The following CNNM2 variants were observed in gnomAD, a reference collection of about 807,000 sequenced individuals.
CNNM2 encodes the protein cyclin and CBS domain divalent metal cation transport mediator 2.
CNNM2 carries 12 observed loss-of-function variants against 66.9 expected under a neutral mutation model. That is an observed-to-expected ratio of 0.18 (90% CI 0.11 to 0.29). The LOEUF (loss-of-function observed/expected upper bound fraction) is 0.29, where lower values mean the gene tolerates loss of function less well. CNNM2 is among the 10% of genes least tolerant of loss of function. The pLI, the probability that CNNM2 is intolerant of heterozygous loss-of-function variation, is 1.00. For missense variants in CNNM2, 705 were observed against 1,167.7 expected (o/e 0.60, Z 5.77); for synonymous variants, 557 against 501.8 (o/e 1.11, Z -1.47).
intron 5 of CNNM2, among the ~76,000 whole-genome samples, chr10:103,071,351 G>A (rs981743175): frequency 1.3e-5 from 2 of 152,248 alleles, no homozygotes; most frequent in East Asian, 1.9e-4. Context: ...AAGTTGCACA[G>A]ATGGGGAGCT....
chr10:102,970,273 C>G (rs970929974), intron 1 of CNNM2, among the ~76,000 whole-genome samples: 1 of 152,164 alleles, frequency 6.6e-6, no homozygotes, highest in Non-Finnish European at 1.5e-5. Flanking sequence ...CATGATTGTG[C>G]CCCTGCACTC....
chr10:102,939,946 C>T (rs965744226), intron 1 of CNNM2, among the ~76,000 whole-genome samples: 3 of 151,594 alleles, frequency 2.0e-5, no homozygotes, highest in Admixed American at 6.6e-5. Flanking sequence ...CCAGCCTGGG[C>T]GACAGGGTGA....
chr10:103,034,231 C>A (rs1383691056), intron 1 of CNNM2, among the ~76,000 whole-genome samples: 2 of 151,442 alleles, frequency 1.3e-5, no homozygotes, highest in Admixed American at 1.3e-4. Context: ...AGCAATTCTA[C>A]CTCGCTCCAA....
At chr10:102,944,279 A>T (rs952271673) in intron 1 of CNNM2, among the ~76,000 whole-genome samples, 2 of 151,896 alleles carry the variant, frequency 1.3e-5, no homozygotes, top group Non-Finnish European at 2.9e-5. Context: ...GGGTTTCACC[A>T]TATTGGCCAG....
chr10:102,971,712 C>G (rs1028621543), intron 1 of CNNM2, among the ~76,000 whole-genome samples: 6 of 152,102 alleles, frequency 3.9e-5, no homozygotes, highest in Non-Finnish European at 5.9e-5. Flanking sequence ...TTGTATGACT[C>G]TACCATAATC....
chr10:103,070,831 G>A lies in CNNM2; in HGVS notation c.2168-943G>A, dbSNP rs12768266. Among the ~76,000 whole-genome samples, 20,183 of 152,198 alleles carry A rather than the reference G, an allele frequency of 0.13. 1,542 individuals carry two copies. The highest frequency in any genetic ancestry group is 0.19 in the East Asian group (984 of 5,162). On this transcript the variant is annotated intron_variant, in intron 5 of 7. Transcript: ENST00000369878. Reference sequence around the variant, plus strand: ...TGTAGTCCTAGCTACTTGGGAGGCTGAGGCAGGAGAATCGCTTGAACCTGG... The same window carrying A: ...TGTAGTCCTAGCTACTTGGGAGGCTAAGGCAGGAGAATCGCTTGAACCTGG...
chr10:103,038,049 A>G (rs954522752), intron 1 of CNNM2, among the ~76,000 whole-genome samples: 1 of 152,166 alleles, frequency 6.6e-6, no homozygotes, highest in African/African-American at 2.4e-5. Context: ...CATGTTGGCC[A>G]GCCTGGTCTC....
At chr10:102,958,440 T>C (rs1436881013) in intron 1 of CNNM2, among the ~76,000 whole-genome samples, 1 of 151,436 alleles carries the variant, frequency 6.6e-6, no homozygotes, top group Non-Finnish European at 1.5e-5. Context: ...AATTGACTTG[T>C]TCTGAATTCA....
At chr10:102,997,268 A>G (rs2064020860) in intron 1 of CNNM2, among the ~76,000 whole-genome samples, 1 of 152,208 alleles carries the variant, frequency 6.6e-6, no homozygotes, top group Non-Finnish European at 1.5e-5. Context: ...GGCCAGTTTT[A>G]TCCTAATTCT....
intron 4 of CNNM2, among the ~76,000 whole-genome samples, chr10:103,065,655 C>T (rs900354695): frequency 2.0e-5 from 3 of 152,266 alleles, no homozygotes; most frequent in African/African-American, 4.8e-5. Context: ...CACCCAGGAA[C>T]GGAAGTCACC....
chr10:103,009,701 A>G (rs188093748), intron 1 of CNNM2, among the ~76,000 whole-genome samples: 3 of 119,898 alleles, frequency 2.5e-5, no homozygotes, highest in Admixed American at 7.8e-5. Flanking sequence ...AAAAAAAAGT[A>G]TATTGGGAGA....
At chr10:102,943,815 C>T (rs1216114912) in intron 1 of CNNM2, among the ~76,000 whole-genome samples, 1 of 152,076 alleles carries the variant, frequency 6.6e-6, no homozygotes, top group African/African-American at 2.4e-5. Context: ...TATGTCTGTA[C>T]ACATTGTCTG....
At chr10:103,007,664 C>T (rs1405079678) in intron 1 of CNNM2, among the ~76,000 whole-genome samples, 1 of 152,174 alleles carries the variant, frequency 6.6e-6, no homozygotes, top group Non-Finnish European at 1.5e-5. Flanking sequence ...CCTGACCCCG[C>T]AGGCAGTCAG....
At chr10:103,076,704 G>T (rs1472063746) in intron 7 of CNNM2, among the ~76,000 whole-genome samples, 1 of 152,194 alleles carries the variant, frequency 6.6e-6, no homozygotes, top group Admixed American at 6.5e-5. Flanking sequence ...GACTTTTGGA[G>T]AACAAGCCAG....
At chr10:103,015,535 A>G (rs945201969) in intron 1 of CNNM2, among the ~76,000 whole-genome samples, 8 of 152,186 alleles carry the variant, frequency 5.3e-5, no homozygotes, top group Non-Finnish European at 1.0e-4. Flanking sequence ...TCTCTAGCAC[A>G]AATAGTACCT....
In CNNM2 at chr10:103,085,726, GA is replaced by G. The variant is rs1423946700; in HGVS notation, c.*8549del. On this transcript the variant is annotated 3_prime_UTR_variant, in exon 8 of 8. Coordinates refer to ENST00000369878, the MANE Select transcript of CNNM2 (RefSeq NM_017649.5). ...TAAACAGAGTCAGCAAGTTTGAGAT[GA>G]AATGTTTGTGTTCAATGGGGAGTAC... 1 of 152,230 alleles carries G rather than the reference GA, an allele frequency of 6.6e-6. No individual in the cohort carries two copies. The highest frequency in any genetic ancestry group is 1.5e-5 in the Non-Finnish European group (1 of 68,034). The allele number at this position is 152,230 out of a possible 1,614,324, so 9.4% of individuals were successfully genotyped here.
intron 1 of CNNM2, among the ~76,000 whole-genome samples, chr10:103,048,457 C>G (rs1461938158): frequency 6.6e-6 from 1 of 151,666 alleles, no homozygotes; most frequent in Non-Finnish European, 1.5e-5. Flanking sequence ...CTCAGGTGAT[C>G]TACCTGCCTC....
At chr10:102,930,457 C>G (rs886570299) in intron 1 of CNNM2, among the ~76,000 whole-genome samples, 1 of 152,182 alleles carries the variant, frequency 6.6e-6, no homozygotes, top group South Asian at 2.1e-4. Flanking sequence ...CTTGTGAAAA[C>G]TAACCATTGC....
chr10:102,920,065 A>G lies in CNNM2; in HGVS notation c.1585A>G (p.Thr529Ala), dbSNP rs1290058895. The change falls in exon 1 of 8, where the codon ACC (threonine) becomes GCC (alanine). Residue 529 changes from threonine (T) to alanine (A), a missense_variant. Physicochemically the swap from Thr to Ala is moderately conservative, Grantham distance 58 (BLOSUM62 0). Transcript: ENST00000369878. ...CCCCTTGCACTTTGTTTTCAATGAC[A>G]CCAAGTTGGACGCTATGCTGGAAGA... Reference protein sequence around the residue: ...NHPLHFVFNDTKLDAMLEEFK... With the variant: ...NHPLHFVFNDAKLDAMLEEFK... The G allele has an allele frequency of 2.5e-6, 4 of 1,614,168 alleles. No individual in the cohort carries two copies. The highest frequency in any genetic ancestry group is 3.3e-4 in the Middle Eastern group (2 of 6,062).
Sources: allele counts gnomAD v4.1 joint callset (sites outside exome capture counted in the v4.1 genomes callset), GRCh38; gene constraint gnomAD v4.1.1; transcripts MANE v1.5; gene names NCBI Gene and HGNC (gene_info 2026-07-23, HGNC 2026-07-21).